The following MUC5AC variants were observed in gnomAD, a reference collection of about 807,000 sequenced individuals.
MUC5AC encodes the protein mucin-5AC.
In MUC5AC, 158 loss-of-function variants were observed where a neutral mutation model predicts 169.7. That is an observed-to-expected ratio of 0.93 (90% confidence interval 0.82 to 1.06). MUC5AC has a LOEUF of 1.06. Among genes scored for constraint, MUC5AC ranks in the 50% least tolerant of loss-of-function variants. The pLI is 0.00. For synonymous variants in MUC5AC, 1,975 were observed against 1,237.0 expected (o/e 1.60, Z -12.52); for missense variants, 4,359 against 3,089.9 (o/e 1.41, Z -9.74).
intron 32 of MUC5AC, 22 bp from the exon 33 acceptor site, chr11:1,193,463 G>T: frequency 1.4e-6 from 1 of 709,506 alleles, no homozygotes; most frequent in South Asian, 1.5e-5. Flanking sequence ...GCCGGACCCT[G>T]CAGGTCTCTG....
At position 1,199,266 on chromosome 11, in the gene MUC5AC, C is replaced by T. The variant is rs528824276; in HGVS notation, c.16395+81C>T. 126 of 702,732 alleles carry T rather than the reference C, an allele frequency of 1.8e-4. No homozygotes were observed. The African/African-American group carries it at 1.9e-3, about 10-fold the overall frequency. 43.5% of individuals were successfully genotyped at this position (702,732 alleles called of 1,614,324 possible). ...TGGGGACCTGTCGTTGCCAGGCATG[C>T]GTCTGGCAGAGGCTGGGGACTCTCT... On this transcript the variant is annotated intron_variant, in intron 45 of 48. Coordinates refer to ENST00000621226, the MANE Select transcript of MUC5AC (RefSeq NM_001304359.2).
At chr11:1,175,519 A>T in intron 19 of MUC5AC, among the ~76,000 whole-genome samples, 1 of 149,614 alleles carries the variant, frequency 6.7e-6, no homozygotes, top group East Asian at 2.0e-4. Context: ...ACACGCTGAC[A>T]CGCCCACTCA....
rs749834917 is a variant in MUC5AC at position 1,195,198 on chromosome 11, C to T, written c.15377C>T (p.Thr5126Ile). ...GGGTCTACCACGGTCGGGCCCACCA[C>T]AGTTGGGTCTACCACGGTCGGGCCC... is the stretch of plus-strand genomic sequence containing the variant. Reference protein sequence around the residue: ...TVGSTTVGPTTVGSTTVGPTT... With the variant: ...TVGSTTVGPTIVGSTTVGPTT... The change falls in exon 36 of 49, where the codon ACA becomes ATA. Residue 5126 changes from threonine (T) to isoleucine (I), a missense_variant. By Grantham distance (89) the Thr-to-Ile change is moderately conservative (BLOSUM62 -1). Transcript: ENST00000621226. 2.6e-6 allele frequency: 2 copies of T among 760,760 alleles called. No individual in the cohort carries two copies. Among genetic ancestry groups the T allele is most frequent in the Non-Finnish European group, 4.8e-6 (2 of 415,868 alleles). 47.1% of individuals were successfully genotyped at this position (760,760 alleles called of 1,614,324 possible). A position where few individuals can be genotyped will look rare whatever the true frequency, so the allele number is the denominator to read the frequency against.
At chr11:1,164,912 T>C (rs1166817514) in intron 9 of MUC5AC, among the ~76,000 whole-genome samples, 1 of 124,614 alleles carries the variant, frequency 8.0e-6, no homozygotes, top group East Asian at 2.5e-4. Context: ...TGAGGCTGGC[T>C]GAGGATCCTG....
In MUC5AC at chr11:1,182,332, G is replaced by C. The variant is rs970424163; in HGVS notation, c.4187G>C (p.Ser1396Thr). 1.1e-3 allele frequency: 458 copies of C among 398,574 alleles called. 2 individuals carry two copies. The highest frequency in any genetic ancestry group is 8.5e-3 in the African/African-American group (416 of 48,760). 24.7% of individuals were successfully genotyped at this position (398,574 alleles called of 1,614,324 possible). ...KCLWSPWMDVSRPGRGTDSGD... is the reference protein window; with the variant it reads ...KCLWSPWMDVTRPGRGTDSGD... ...CTGTGGTCGCCATGGATGGATGTCAGCCGCCCTGGACGGGGCACGGACAGC... is the reference window on the plus strand; with the variant it reads ...CTGTGGTCGCCATGGATGGATGTCACCCGCCCTGGACGGGGCACGGACAGC... The change falls in exon 31 of 49, where the codon AGC (serine) becomes ACC (threonine). Residue 1396 changes from serine (S) to threonine (T), a missense_variant. Coordinates refer to ENST00000621226, the MANE Select transcript of MUC5AC (RefSeq NM_001304359.2).
At position 1,168,908 on chromosome 11, in the gene MUC5AC, C is replaced by T. The variant is rs771054643; in HGVS notation, c.1752C>T (p.Thr584=). Residue 584 remains threonine (T), a synonymous_variant, in exon 15 of 49, where the codon ACC becomes ACT. Transcript: ENST00000621226. ...FNSIQADDFR[T]LSGVVEATAA... ...GCATCCAGGCCGATGACTTCCGGAC[C>T]CTCAGTGGGGTGGTGGAGGCCACCG... The T allele has an allele frequency of 1.9e-6, 3 of 1,610,480 alleles. No individual in the cohort carries two copies. The highest frequency in any genetic ancestry group is 2.7e-5 in the African/African-American group (2 of 74,874).
intron 36 of MUC5AC, among the ~76,000 whole-genome samples, 154 bp from the exon 37 acceptor site, chr11:1,195,722 G>T (rs564200252): frequency 6.9e-6 from 1 of 145,294 alleles, no homozygotes; most frequent in East Asian, 2.0e-4. Context: ...TGTGTGGAAG[G>T]AGCCCGTCCG....
Position 1,184,788 on chromosome 11 carries a change from G to A in MUC5AC, c.6643G>A (p.Glu2215Lys), listed in dbSNP as rs1251679035. The change falls in exon 31 of 49, where the codon GAG becomes AAG. Residue 2215 changes from glutamate to lysine, a missense_variant. Glu to Lys is a moderately conservative substitution (Grantham distance 56). Transcript: ENST00000621226. ...CTACGAGGTGCGTGTGCTCTGCTGC[G>A]AGACCCCCAAAGGCTGCCCCGTGAC... is the stretch of plus-strand genomic sequence containing the variant. ...LNYEVRVLCC[E>K]TPKGCPVTST... The A allele has an allele frequency of 1.4e-5, 9 of 653,516 alleles. No individual in the cohort carries two copies. The highest frequency in any genetic ancestry group is 3.6e-5 in the African/African-American group (2 of 55,516). The allele number at this position is 653,516 out of a possible 1,614,324, so 40.5% of individuals were successfully genotyped here.
chr11:1,199,330 G>A (rs1342501826), intron 45 of MUC5AC, 41 bp from the exon 46 acceptor site: 9 of 702,250 alleles, frequency 1.3e-5, no homozygotes, highest in South Asian at 1.5e-5. Flanking sequence ...AGGGACAGAC[G>A]GAGGGAGGGT....
chr11:1,165,202 T>C, intron 9 of MUC5AC, 100 bp from the exon 10 acceptor site: 1 of 1,138,848 alleles, frequency 8.8e-7, no homozygotes, highest in Non-Finnish European at 1.2e-6. Context: ...TGGAGCTGGC[T>C]GAGGCCCCAG....
At position 1,196,869 on chromosome 11, in the gene MUC5AC, C is replaced by T; in HGVS notation, c.15830-8C>T. On this transcript the variant is annotated splice_region_variant and splice_polypyrimidine_tract_variant and intron_variant, in intron 39 of 48. Transcript: ENST00000621226. ...ACCCCCAGTAACCTCAGATCTCTCT[C>T]CTTCCAGGGTGTCTGGGGCCCCACG... is the stretch of plus-strand genomic sequence containing the variant. The T allele has an allele frequency of 1.3e-6, 1 of 762,856 alleles. No homozygotes were observed. 47.3% of individuals were successfully genotyped at this position (762,856 alleles called of 1,614,324 possible).
Position 1,192,812 on chromosome 11 carries a change from G to A in MUC5AC, c.14410G>A (p.Ala4804Thr), listed in dbSNP as rs752214922. 5.9e-5 allele frequency: 45 copies of A among 762,762 alleles called. No homozygotes were observed. In the Middle Eastern group the frequency reaches 5.6e-3, roughly 95 times the overall value. The allele number at this position is 762,762 out of a possible 1,614,324, so 47.2% of individuals were successfully genotyped here. A position where few individuals can be genotyped will look rare whatever the true frequency, so the allele number is the denominator to read the frequency against. The change falls in exon 32 of 49, where the codon GCT (alanine) becomes ACT (threonine). Residue 4804 changes from alanine to threonine, a missense_variant. Transcript: ENST00000621226. ...GSTIYRHRDL[A>T]GHCYYALCSQ... The stretch of plus-strand genomic sequence containing the variant: ...CACCATATACCGCCACAGAGACCTC[G>A]CTGGCCATTGCTATTATGCCCTGTG...
At position 1,198,793 on chromosome 11, in the gene MUC5AC, G is replaced by A. The variant is rs1861347742; in HGVS notation, c.16174-81G>A. On this transcript the variant is annotated intron_variant, in intron 43 of 48. Transcript: ENST00000621226. ...GGAGGGGGATGTCTGGGAAGTTGGG[G>A]GCAGCAAGCCAGTGGGGAGGCAGGG... 4 of 666,080 alleles carry A rather than the reference G, an allele frequency of 6.0e-6. 1 individual carries two copies. Among genetic ancestry groups the A allele is most frequent in the South Asian group, 4.8e-5 (3 of 62,432 alleles). 41.3% of individuals were successfully genotyped at this position (666,080 alleles called of 1,614,324 possible).
Position 1,177,564 on chromosome 11 carries a change from C to T in MUC5AC, c.3018C>T (p.Thr1006=), listed in dbSNP as rs1380039395. Residue 1006 remains threonine (T), a synonymous_variant, in exon 24 of 49, where the codon ACC becomes ACT. Transcript: ENST00000621226. ...TGGGCATCTACCTGGTGGTGGACAC[C>T]GACATTGGCCTGGTGCTGCTGTGGG... ...RQMGIYLVVD[T]DIGLVLLWDK... is the part of the protein sequence containing the mutation. 5.8e-5 allele frequency: 23 copies of T among 398,614 alleles called. No homozygotes were observed. Among genetic ancestry groups the T allele is most frequent in the East Asian group, 5.3e-4 (15 of 28,094 alleles). 24.7% of individuals were successfully genotyped at this position (398,614 alleles called of 1,614,324 possible). A position where few individuals can be genotyped will look rare whatever the true frequency, so the allele number is the denominator to read the frequency against.
chr11:1,199,576 C>T (rs1861370805), intron 46 of MUC5AC, 86 bp downstream of exon 46: 1 of 691,942 alleles, frequency 1.4e-6, no homozygotes, highest in East Asian at 2.7e-5. Context: ...GCAGCGCCAG[C>T]AGACACCCCC....
Position 1,200,662 on chromosome 11 carries a change from G to T in MUC5AC, c.16925G>T (p.Gly5642Val). 1 of 762,670 alleles carries T rather than the reference G, an allele frequency of 1.3e-6. No homozygotes were observed. The highest frequency in any genetic ancestry group is 2.4e-6 in the Non-Finnish European group (1 of 416,168). The allele number at this position is 762,670 out of a possible 1,614,324, so 47.2% of individuals were successfully genotyped here. Residue 5642 changes from glycine (G) to valine (V), a missense_variant, in exon 49 of 49, where the codon GGG (glycine) becomes GTG (valine). Coordinates refer to ENST00000621226, the MANE Select transcript of MUC5AC (RefSeq NM_001304359.2). Reference sequence around the variant, plus strand: ...GAGCCCAGCCAGGAGGCAGAGAGTGGGAGCTGGGAGAGAGGCGTCCCAGTG... The same window carrying T: ...GAGCCCAGCCAGGAGGCAGAGAGTGTGAGCTGGGAGAGAGGCGTCCCAGTG... ...EPEPSQEAES[G>V]SWERGVPVSP...
Position 1,188,452 on chromosome 11 carries a change from C to T in MUC5AC, c.10307C>T (p.Thr3436Ile), listed in dbSNP as rs1861006966. The stretch of plus-strand genomic sequence containing the variant: ...ACCAGCATAATCTCTGCCCCTACAA[C>T]CAGCACAACCTCTTCCCCTACAACC... ...RTTSIISAPT[T>I]STTSSPTTST... is the part of the protein sequence containing the mutation. Residue 3436 changes from threonine to isoleucine, a missense_variant, in exon 31 of 49, where the codon ACC (threonine) becomes ATC (isoleucine). Physicochemically the swap from Thr to Ile is moderately conservative, Grantham distance 89. Coordinates refer to ENST00000621226, the MANE Select transcript of MUC5AC (RefSeq NM_001304359.2). 30 of 641,588 alleles carry T rather than the reference C, an allele frequency of 4.7e-5. 1 individual carries two copies. In the South Asian group the frequency reaches 4.9e-4, roughly 11 times the overall value. The allele number at this position is 641,588 out of a possible 1,614,324, so 39.7% of individuals were successfully genotyped here. A position where few individuals can be genotyped will look rare whatever the true frequency, so the allele number is the denominator to read the frequency against.
rs1156852563 is a variant in MUC5AC, at chr11:1,165,734, G to A, written c.1360G>A (p.Gly454Ser). 3.1e-6 allele frequency: 5 copies of A among 1,612,178 alleles called. No individual in the cohort carries two copies. Among genetic ancestry groups the A allele is most frequent in the South Asian group, 1.1e-5 (1 of 91,084 alleles). The change falls in exon 11 of 49, where the codon GGC (glycine) becomes AGC (serine). Residue 454 changes from glycine to serine, a missense_variant. Gly to Ser is a moderately conservative substitution (Grantham distance 56). Transcript: ENST00000621226. ...TFDGKQYTVH[G>S]DCSYVLTKPC... is the part of the protein sequence containing the mutation. ...TGACGGGAAGCAATACACGGTGCAC[G>A]GCGACTGCAGCTATGTGCTGACCAA...
intron 15 of MUC5AC, 177 bp downstream of exon 15, chr11:1,169,203 C>T (rs1229223982): frequency 2.0e-5 from 19 of 968,232 alleles, no homozygotes; most frequent in Non-Finnish European, 2.2e-5. Flanking sequence ...TTATGTGGAG[C>T]TTCAGGAATG....
Sources: allele counts gnomAD v4.1 joint callset (sites outside exome capture counted in the v4.1 genomes callset), GRCh38; gene constraint gnomAD v4.1.1; transcripts MANE v1.5; gene names NCBI Gene and HGNC (gene_info 2026-07-23, HGNC 2026-07-21).